FER1L6: variants seen among roughly 807,000 people sequenced by gnomAD.
The protein encoded by FER1L6 is fer-1-like protein 6.
In FER1L6, 177 loss-of-function variants were observed where a neutral mutation model predicts 219.2. The observed-to-expected ratio is 0.81, with a 90% confidence interval of 0.71 to 0.91. The LOEUF (loss-of-function observed/expected upper bound fraction) is 0.91. Among genes scored for constraint, FER1L6 ranks in the 40% least tolerant of loss-of-function variants. The pLI is 0.00. For synonymous variants in FER1L6, 768 were observed against 824.3 expected (o/e 0.93, Z 1.17); for missense variants, 2,153 against 2,259.9 (o/e 0.95, Z 0.96).
intron 1 of FER1L6, among the ~76,000 whole-genome samples, chr8:123,927,137 A>G (rs905829531): frequency 2.0e-5 from 3 of 149,616 alleles, no homozygotes; most frequent in Non-Finnish European, 4.4e-5. Flanking sequence ...TAATTTGCCC[A>G]GGGTCATAGA....
At chr8:124,039,473 A>G (rs1191688975) in intron 19 of FER1L6, among the ~76,000 whole-genome samples, 2 of 152,152 alleles carry the variant, frequency 1.3e-5, no homozygotes, top group African/African-American at 4.8e-5. Context: ...GGGGAGTAAA[A>G]TTTGATATTT....
rs182404868 is a variant in FER1L6, at chr8:124,064,889, G to T, written c.3555+316G>T. On this transcript the variant is annotated intron_variant, in intron 26 of 40. Coordinates refer to ENST00000522917, the MANE Select transcript of FER1L6 (RefSeq NM_001039112.2). ...TCCAAGTGTGTTCCACAAATATTTA[G>T]GTCCTACTTTGTACAAGATCATATG... 3.4e-3 allele frequency among the ~76,000 whole-genome samples: 521 copies of T among 152,278 alleles called. 5 individuals are homozygous for T. Among genetic ancestry groups the T allele is most frequent in the Non-Finnish European group, 5.9e-3 (399 of 68,026 alleles).
intron 1 of FER1L6, among the ~76,000 whole-genome samples, chr8:123,905,017 A>G (rs1367313948): frequency 6.6e-6 from 1 of 152,222 alleles, no homozygotes; most frequent in African/African-American, 2.4e-5. Context: ...ACCCCTGAAG[A>G]CATAGTTGGT....
At chr8:124,109,839 G>A (rs535675611) in intron 39 of FER1L6, among the ~76,000 whole-genome samples, 9 of 152,270 alleles carry the variant, frequency 5.9e-5, no homozygotes, top group South Asian at 4.1e-4. Flanking sequence ...AGAAGCAACC[G>A]GCAACTGCTC....
intron 2 of FER1L6, among the ~76,000 whole-genome samples, chr8:123,960,515 T>C (rs140230083): frequency 2.5e-4 from 38 of 152,220 alleles, no homozygotes; most frequent in African/African-American, 9.2e-4. Context: ...CTATCCTTCC[T>C]AGACTAGTGT....
intron 12 of FER1L6, among the ~76,000 whole-genome samples, chr8:123,993,467 A>T (rs1021822990): frequency 2.0e-5 from 3 of 151,514 alleles, no homozygotes; most frequent in East Asian, 1.9e-4. Context: ...AAAAGGAAGA[A>T]TGTATATCCA....
At chr8:124,108,890 G>A (rs1035698871) in intron 39 of FER1L6, among the ~76,000 whole-genome samples, 1 of 151,596 alleles carries the variant, frequency 6.6e-6, no homozygotes, top group South Asian at 2.1e-4. Flanking sequence ...TAGAAAAAAG[G>A]AAAGAAAAGA....
intron 25 of FER1L6, among the ~76,000 whole-genome samples, chr8:124,064,112 C>T (rs917550228): frequency 6.6e-6 from 1 of 152,176 alleles, no homozygotes; most frequent in African/African-American, 2.4e-5. Flanking sequence ...ATAACAAATA[C>T]AACCATTTAT....
At chr8:124,047,753 G>A (rs1563764674) in intron 21 of FER1L6, 1 of 152,188 alleles carries the variant, frequency 6.6e-6, no homozygotes, top group African/African-American at 2.4e-5. Context: ...TTTGCTCCCA[G>A]GGAAATACAT....
intron 1 of FER1L6, among the ~76,000 whole-genome samples, chr8:123,858,816 C>G (rs1342726688): frequency 2.0e-5 from 3 of 152,174 alleles, no homozygotes. Context: ...TAGTGGAAAG[C>G]CAGCTCTGGA....
At chr8:124,070,164 C>T (rs1175423997) in intron 29 of FER1L6, among the ~76,000 whole-genome samples, 1 of 152,090 alleles carries the variant, frequency 6.6e-6, no homozygotes, top group Non-Finnish European at 1.5e-5. Context: ...AGTCTATATC[C>T]AACAACCAAT....
chr8:124,094,795 C>T, intron 34 of FER1L6, 101 bp from the exon 35 acceptor site: 1 of 1,333,746 alleles, frequency 7.5e-7, no homozygotes, highest in East Asian at 2.3e-5. Flanking sequence ...CCCCTTGGTA[C>T]ATTTAAATAA....
In FER1L6 at chr8:124,023,527, C is replaced by A; in HGVS notation, c.2217C>A (p.Asp739Glu). The change falls in exon 18 of 41, where the codon GAC (aspartate) becomes GAA (glutamate). Residue 739 changes from aspartate to glutamate, a missense_variant. By Grantham distance (45) the Asp-to-Glu change is conservative. Coordinates refer to ENST00000522917, the MANE Select transcript of FER1L6 (RefSeq NM_001039112.2). Reference protein sequence around the residue: ...RVAYARIASKDLLYSPVAGQM... With the variant: ...RVAYARIASKELLYSPVAGQM... ...CCTATGCCCGCATCGCCTCCAAAGA[C>A]CTCCTCTATTCCCCTGTCGCGGGGC... 2 of 1,614,214 alleles carry A rather than the reference C, an allele frequency of 1.2e-6. No individual in the cohort carries two copies. Among genetic ancestry groups the A allele is most frequent in the Non-Finnish European group, 1.7e-6 (2 of 1,180,016 alleles).
At chr8:124,018,237 G>T (rs1003955794) in intron 16 of FER1L6, among the ~76,000 whole-genome samples, 1 of 152,170 alleles carries the variant, frequency 6.6e-6, no homozygotes, top group African/African-American at 2.4e-5. Flanking sequence ...TCAGGCCCTG[G>T]ATTATCTCAA....
chr8:123,880,705 C>G (rs1817093707), intron 1 of FER1L6, among the ~76,000 whole-genome samples: 1 of 152,226 alleles, frequency 6.6e-6, no homozygotes, highest in Non-Finnish European at 1.5e-5. Context: ...AAGCTGCCTT[C>G]TTGGGTACCC....
chr8:123,901,317 G>C (rs1019870393), intron 1 of FER1L6, among the ~76,000 whole-genome samples: 8 of 152,114 alleles, frequency 5.3e-5, no homozygotes, highest in African/African-American at 1.9e-4. Flanking sequence ...AGCCTTGAAT[G>C]ATCTTTTGTA....
Position 123,966,271 on chromosome 8 carries a change from A to G in FER1L6, c.365A>G (p.Asn122Ser), listed in dbSNP as rs1380135235. The change falls in exon 5 of 41, where the codon AAC becomes AGC. Residue 122 changes from asparagine to serine, a missense_variant. By Grantham distance (46) the Asn-to-Ser change is conservative. Coordinates refer to ENST00000522917, the MANE Select transcript of FER1L6 (RefSeq NM_001039112.2). ...KKQSTVKEGTNSPFYNEYFVF... is the reference protein window; with the variant it reads ...KKQSTVKEGTSSPFYNEYFVF... ...CAAAGCACAGTGAAGGAAGGAACCAACAGCCCATTTTATAATGAAGTAAGT... is the reference window on the plus strand; with the variant it reads ...CAAAGCACAGTGAAGGAAGGAACCAGCAGCCCATTTTATAATGAAGTAAGT... The G allele has an allele frequency of 2.5e-6, 4 of 1,614,154 alleles. No homozygotes were observed. The highest frequency in any genetic ancestry group is 3.4e-6 in the Non-Finnish European group (4 of 1,179,998).
chr8:124,038,680 TA>T (rs1819327686), intron 19 of FER1L6, among the ~76,000 whole-genome samples: 1 of 152,192 alleles, frequency 6.6e-6, no homozygotes, highest in South Asian at 2.1e-4. Context: ...AATAAGGAGA[TA>T]AAGGCACACT....
intron 28 of FER1L6, among the ~76,000 whole-genome samples, chr8:124,068,493 T>TG (rs1248590122): frequency 6.6e-6 from 1 of 152,196 alleles, no homozygotes; most frequent in East Asian, 1.9e-4. Context: ...CCGTATCAGG[T>TG]GGTTTCTCCC....
Sources: gnomAD v4.1 joint callset for allele counts (sites outside exome capture counted in the v4.1 genomes callset) on GRCh38, gnomAD v4.1.1 for gene constraint, MANE v1.5 for transcripts, NCBI Gene and HGNC (gene_info 2026-07-23, HGNC 2026-07-21) for gene names.